Variants in MMP16 observed in about 807,000 individuals in gnomAD.
MMP16 encodes matrix metallopeptidase 16.
A neutral mutation model predicts 67.8 loss-of-function variants in MMP16; 12 were observed. The ratio of observed to expected loss-of-function variants is 0.18; its 90% CI spans 0.11 to 0.29. The LOEUF is 0.29. Ranked by LOEUF, MMP16 falls within the 10% of genes least tolerant of loss-of-function variation. The probability of loss-of-function intolerance (pLI) is 1.00; values close to 1 mark genes in which losing one functional copy is unlikely to be tolerated. For synonymous variants in MMP16, 249 were observed against 255.9 expected (o/e 0.97, Z 0.26); for missense variants, 475 against 765.7 (o/e 0.62, Z 4.48).
intron 2 of MMP16, among the ~76,000 whole-genome samples, chr8:88,187,475 T>A (rs1274216845): frequency 3.9e-5 from 6 of 152,178 alleles, no homozygotes; most frequent in Non-Finnish European, 8.8e-5. Context: ...TTAGCCCCTT[T>A]ATTTTAATAA....
chr8:88,191,695 G>C (rs1809171790), intron 2 of MMP16, among the ~76,000 whole-genome samples: 1 of 152,168 alleles, frequency 6.6e-6, no homozygotes, highest in Non-Finnish European at 1.5e-5. Context: ...ATCTGAAAGT[G>C]TCCATTAGCT....
At chr8:88,188,586 A>T (rs762427613) in intron 2 of MMP16, among the ~76,000 whole-genome samples, 1 of 152,140 alleles carries the variant, frequency 6.6e-6, no homozygotes, top group Non-Finnish European at 1.5e-5. Context: ...TGAAGGCAGT[A>T]ATGTCATGCT....
At chr8:88,184,270 T>A (rs1436681055) in intron 3 of MMP16, among the ~76,000 whole-genome samples, 1 of 152,170 alleles carries the variant, frequency 6.6e-6, no homozygotes, top group African/African-American at 2.4e-5. Context: ...TTCTTTCTTT[T>A]GTTTCAGCTC....
intron 1 of MMP16, among the ~76,000 whole-genome samples, chr8:88,284,246 A>G (rs566907325): frequency 6.6e-6 from 1 of 152,310 alleles, no homozygotes; most frequent in African/African-American, 2.4e-5. Flanking sequence ...AGATTTTACA[A>G]ATGATGCTGT....
chr8:88,166,566 T>C (rs1056285320), intron 4 of MMP16, among the ~76,000 whole-genome samples: 5 of 150,068 alleles, frequency 3.3e-5, no homozygotes, highest in Non-Finnish European at 7.4e-5. Context: ...TAGGATAGAG[T>C]TGCAAAAAAT....
At chr8:88,303,178 C>A (rs1030492600) in intron 1 of MMP16, among the ~76,000 whole-genome samples, 1 of 152,166 alleles carries the variant, frequency 6.6e-6, no homozygotes, top group African/African-American at 2.4e-5. Context: ...AAGCTACATA[C>A]ACCCGGGGGC....
At chr8:88,285,131 TTTG>T (rs902991529) in intron 1 of MMP16, among the ~76,000 whole-genome samples, 36 of 152,036 alleles carry the variant, frequency 2.4e-4, no homozygotes, top group Middle Eastern at 3.4e-3. Flanking sequence ...TTTATTTGTT[TTTG>T]TTGTTGTTGT....
chr8:88,112,666 G>GGTGTGTGTGTGT (rs6150692), intron 6 of MMP16, among the ~76,000 whole-genome samples: 149 of 146,904 alleles, frequency 1.0e-3, no homozygotes, highest in African/African-American at 3.1e-3. Context: ...AGGACAGAAG[G>GGTGTGTGTGTGT]GTGTGTGTGT....
intron 1 of MMP16, among the ~76,000 whole-genome samples, chr8:88,285,572 T>G (rs1475729898): frequency 6.6e-6 from 1 of 152,212 alleles, no homozygotes; most frequent in Non-Finnish European, 1.5e-5. Flanking sequence ...TTCTTCTTCC[T>G]GGGGAAAATC....
At chr8:88,261,410 AAAAT>A (rs1810386630) in intron 1 of MMP16, among the ~76,000 whole-genome samples, 1 of 152,102 alleles carries the variant, frequency 6.6e-6, no homozygotes, top group Non-Finnish European at 1.5e-5. Flanking sequence ...GAGGGGGAAA[AAAAT>A]AATCCAACAA....
intron 1 of MMP16, among the ~76,000 whole-genome samples, chr8:88,260,423 T>A (rs1265284906): frequency 1.3e-5 from 2 of 151,916 alleles, no homozygotes; most frequent in African/African-American, 4.8e-5. Context: ...TAAAAGTTTA[T>A]TTTTTTTCGG....
intron 1 of MMP16, among the ~76,000 whole-genome samples, chr8:88,299,915 A>C (rs1266033177): frequency 6.6e-6 from 1 of 152,204 alleles, no homozygotes; most frequent in African/African-American, 2.4e-5. Context: ...TAAACAGCAA[A>C]AGGTTTAACA....
intron 1 of MMP16, among the ~76,000 whole-genome samples, chr8:88,316,456 T>G (rs1263362097): frequency 6.6e-6 from 1 of 152,156 alleles, no homozygotes; most frequent in African/African-American, 2.4e-5. Context: ...TCTATGGCCC[T>G]TAAGAATTAT....
chr8:88,078,119 C>G (rs1467826876), intron 6 of MMP16, among the ~76,000 whole-genome samples: 1 of 151,966 alleles, frequency 6.6e-6, no homozygotes, highest in Non-Finnish European at 1.5e-5. Context: ...TCTCCTCTCC[C>G]TCTCCTTCTC....
chr8:88,151,792 C>T (rs1307752758), intron 4 of MMP16, among the ~76,000 whole-genome samples: 1 of 148,566 alleles, frequency 6.7e-6, no homozygotes, highest in Non-Finnish European at 1.5e-5. Context: ...CCTAACATCA[C>T]AATTAAAAGA....
chr8:88,291,793 A>G (rs1361017387), intron 1 of MMP16, among the ~76,000 whole-genome samples: 16 of 152,254 alleles, frequency 1.1e-4, no homozygotes, highest in Admixed American at 1.0e-3. Flanking sequence ...AAACATGGGA[A>G]GATGAAAGAA....
At chr8:88,170,666 T>C (rs942851821) in intron 3 of MMP16, among the ~76,000 whole-genome samples, 1 of 152,068 alleles carries the variant, frequency 6.6e-6, no homozygotes, top group Non-Finnish European at 1.5e-5. Flanking sequence ...AAAAGATAAT[T>C]TCAGATGGTG....
At chr8:88,167,524 A>G (rs1414548256) in intron 4 of MMP16, 145 bp downstream of exon 4, 3 of 722,694 alleles carry the variant, frequency 4.2e-6, no homozygotes, top group Admixed American at 6.4e-5. Flanking sequence ...TTATCCTAAA[A>G]TGCTATAAAA....
chr8:88,215,557 GC>G (rs1303637606), intron 1 of MMP16, among the ~76,000 whole-genome samples: 1 of 151,930 alleles, frequency 6.6e-6, no homozygotes, highest in East Asian at 1.9e-4. Context: ...AGATATTCAT[GC>G]CCCCTCCCTA....
Sources: gnomAD v4.1 joint callset for allele counts (sites outside exome capture counted in the v4.1 genomes callset) on GRCh38, gnomAD v4.1.1 for gene constraint, MANE v1.5 for transcripts, NCBI Gene and HGNC (gene_info 2026-07-23, HGNC 2026-07-21) for gene names.